Variants in PDPR observed in about 807,000 individuals in gnomAD.
PDPR encodes the protein pyruvate dehydrogenase phosphatase regulatory subunit, mitochondrial.
PDPR carries 50 observed loss-of-function variants against 102.2 expected under a neutral mutation model. The ratio of observed to expected loss-of-function variants is 0.49; its 90% CI spans 0.39 to 0.62. The LOEUF (loss-of-function observed/expected upper bound fraction) is 0.62, where lower values mean the gene tolerates loss of function less well. Ranked by LOEUF, PDPR falls within the 20% of genes least tolerant of loss-of-function variation. The pLI is 0.00. For missense variants in PDPR, 625 were observed against 1,098.2 expected, an observed-to-expected ratio of 0.57 and a Z score of 6.09; for synonymous variants, 259 against 406.0, an observed-to-expected ratio of 0.64 and a Z score of 4.35.
At chr16:70,121,595 G>A (rs1385441842) in intron 3 of PDPR, among the ~76,000 whole-genome samples, 1 of 152,122 alleles carries the variant, frequency 6.6e-6, no homozygotes, top group African/African-American at 2.4e-5. Flanking sequence ...AGCAGGCTGA[G>A]GCAGGAGAAT....
intron 17 of PDPR, among the ~76,000 whole-genome samples, chr16:70,150,376 T>G (rs1228119284): frequency 6.6e-6 from 1 of 151,370 alleles, no homozygotes; most frequent in East Asian, 2.0e-4. Flanking sequence ...AGTGCTGGAA[T>G]TACAGGCGTG....
At chr16:70,148,333 A>T in intron 16 of PDPR, 131 bp from the exon 17 acceptor site, 1 of 774,240 alleles carries the variant, frequency 1.3e-6, no homozygotes, top group Non-Finnish European at 2.2e-6. Context: ...TCGGGATGAA[A>T]TTCTTGCCTT....
chr16:70,157,495 A>C lies in PDPR; in HGVS notation c.*616A>C, dbSNP rs1170378244. The C allele has an allele frequency of 3.5e-6, 1 of 288,260 alleles. No homozygotes were observed. Among genetic ancestry groups the C allele is most frequent in the Non-Finnish European group, 6.7e-6 (1 of 148,156 alleles). 17.9% of individuals were successfully genotyped at this position (288,260 alleles called of 1,614,324 possible). A position where few individuals can be genotyped will look rare whatever the true frequency, so the allele number is the denominator to read the frequency against. ...TGGTCTGTAGTGGAGACAAGCAGTT[A>C]ACCTAGCACCATCCTCATCCTCCCT... On this transcript the variant is annotated 3_prime_UTR_variant, in exon 19 of 19. Coordinates refer to ENST00000288050, the MANE Select transcript of PDPR (RefSeq NM_017990.5).
chr16:70,139,264 T>G (rs1965476886), intron 11 of PDPR, among the ~76,000 whole-genome samples: 1 of 152,252 alleles, frequency 6.6e-6, no homozygotes, highest in African/African-American at 2.4e-5. Context: ...GAATAGGAGT[T>G]ACAGTTGGTA....
chr16:70,156,469 T>C lies in PDPR; in HGVS notation c.2236-6T>C, dbSNP rs115817341. 5.8e-3 allele frequency: 9,293 copies of C among 1,610,946 alleles called. 137 individuals are homozygous for C. In the African/African-American group the frequency reaches 0.11, roughly 19 times the overall value. On this transcript the variant is annotated splice_polypyrimidine_tract_variant and splice_region_variant and intron_variant, in intron 18 of 18. Coordinates refer to ENST00000288050, the MANE Select transcript of PDPR (RefSeq NM_017990.5). ...TGGATGACTCGGCGTTTCCTTTCTT[T>C]CTTAGGGCATGGATTTCATTGGTCG... is the stretch of plus-strand genomic sequence containing the variant.
rs1465369988 is a variant in PDPR, at chr16:70,160,560, C to T, written c.*3681C>T. ...ATTAAACCCCGGTTTCACTCTGGCC[C>T]CAGGAGTGGAGCCTGGCCACTCCTG... On this transcript the variant is annotated 3_prime_UTR_variant, in exon 19 of 19. Coordinates refer to ENST00000288050, the MANE Select transcript of PDPR (RefSeq NM_017990.5). 1 of 152,566 alleles carries T rather than the reference C, an allele frequency of 6.6e-6. No homozygotes were observed. The highest frequency in any genetic ancestry group is 1.9e-4 in the East Asian group (1 of 5,208). 9.5% of individuals were successfully genotyped at this position (152,566 alleles called of 1,614,324 possible).
At chr16:70,129,897 G>T (rs1678926747) in intron 6 of PDPR, among the ~76,000 whole-genome samples, 1 of 152,266 alleles carries the variant, frequency 6.6e-6, no homozygotes, top group African/African-American at 2.4e-5. Flanking sequence ...TAATTATTGT[G>T]TTCCAAAGTC....
At chr16:70,134,081 TAGG>T (rs1245457541) in intron 9 of PDPR, among the ~76,000 whole-genome samples, 2 of 152,276 alleles carry the variant, frequency 1.3e-5, no homozygotes, top group African/African-American at 4.8e-5. Flanking sequence ...TTTTAGGTTT[TAGG>T]AGGAGACTTC....
intron 18 of PDPR, among the ~76,000 whole-genome samples, chr16:70,154,278 A>G (rs1447328050): frequency 6.6e-6 from 1 of 152,280 alleles, no homozygotes; most frequent in Non-Finnish European, 1.5e-5. Context: ...CAGTGAGCCA[A>G]AATCGCACCA....
At chr16:70,153,247 C>T (rs996944292) in intron 17 of PDPR, 144 bp from the exon 18 acceptor site, 26 of 919,154 alleles carry the variant, frequency 2.8e-5, no homozygotes, top group Middle Eastern at 2.3e-4. Flanking sequence ...GTGCCCTGAG[C>T]GTGTCAAGGA....
At chr16:70,142,826 AG>A (rs57320264) in intron 13 of PDPR, 140 bp downstream of exon 13, 9 of 1,356,630 alleles carry the variant, frequency 6.6e-6, no homozygotes, top group Non-Finnish European at 2.0e-6. Flanking sequence ...TGGGAGGCCA[AG>A]GGGGCGTGGA....
In PDPR at chr16:70,156,611, G is replaced by T. The variant is rs117263218; in HGVS notation, c.2372G>T (p.Arg791Leu). The T allele has an allele frequency of 1.9e-6, 3 of 1,613,832 alleles. No homozygotes were observed. The highest frequency in any genetic ancestry group is 1.7e-6 in the Non-Finnish European group (2 of 1,179,700). Residue 791 changes from arginine to leucine, a missense_variant, in exon 19 of 19, where the codon CGG becomes CTG. Coordinates refer to ENST00000288050, the MANE Select transcript of PDPR (RefSeq NM_017990.5). Reference protein sequence around the residue: ...LWPWWGEPIYRNGQYVGKTTS... With the variant: ...LWPWWGEPIYLNGQYVGKTTS... Reference sequence around the variant, plus strand: ...CCTTGGTGGGGAGAGCCCATTTACCGGAATGGGCAGTATGTTGGCAAGACC... The same window carrying T: ...CCTTGGTGGGGAGAGCCCATTTACCTGAATGGGCAGTATGTTGGCAAGACC...
intron 2 of PDPR, chr16:70,120,218 GT>G: frequency 2.7e-6 from 1 of 372,730 alleles, no homozygotes; most frequent in South Asian, 2.3e-5. Flanking sequence ...CCCAGCCTAA[GT>G]TTTTGAATTT....
intron 9 of PDPR, among the ~76,000 whole-genome samples, chr16:70,133,145 C>T (rs1189466443): frequency 5.2e-5 from 6 of 114,686 alleles, no homozygotes; most frequent in Admixed American, 3.7e-4. Flanking sequence ...GATGAAGTCT[C>T]GCTCTGTTGC....
intron 7 of PDPR, among the ~76,000 whole-genome samples, chr16:70,130,914 T>G (rs1193400312): frequency 6.6e-6 from 1 of 152,296 alleles, no homozygotes; most frequent in Non-Finnish European, 1.5e-5. Flanking sequence ...ACTGCTTCTT[T>G]TAAAGCAGAT....
intron 2 of PDPR, chr16:70,120,202 A>G (rs954940156): frequency 2.5e-5 from 9 of 355,098 alleles, no homozygotes; most frequent in Non-Finnish European, 3.8e-5. Context: ...GGTGTGAGCC[A>G]CTGCGCCCAG....
At position 70,153,544 on chromosome 16, in the gene PDPR, G is replaced by A. The variant is rs1966852371; in HGVS notation, c.2206G>A (p.Gly736Arg). The change falls in exon 18 of 19, where the codon GGA becomes AGA. Residue 736 changes from glycine to arginine, a missense_variant. By Grantham distance (125) the Gly-to-Arg change is moderately radical. This residue lies in a region of PDPR where 303 missense variants were observed against 258.9 expected (regional missense o/e 1.17). Transcript: ENST00000288050. ...INNLTTPLECGRESRVKLEKG... is the reference protein window; with the variant it reads ...INNLTTPLECRRESRVKLEKG... ...TAACCTCACCACGCCCCTGGAATGT[G>A]GACGAGAGTCTCGGGTGAAATTAGA... The A allele has an allele frequency of 1.9e-6, 3 of 1,609,822 alleles. No individual in the cohort carries two copies. Among genetic ancestry groups the A allele is most frequent in the Non-Finnish European group, 2.5e-6 (3 of 1,178,462 alleles).
chr16:70,157,105 C>A lies in PDPR; in HGVS notation c.*226C>A. On this transcript the variant is annotated 3_prime_UTR_variant, in exon 19 of 19. Transcript: ENST00000288050. ...AATATTCACTCTGGGCTCTTCTTCC[C>A]TTCCCACCCCTCACTCAGCTTCTCG... 1.4e-6 allele frequency: 1 copy of A among 721,750 alleles called. No individual in the cohort carries two copies. Among genetic ancestry groups the A allele is most frequent in the Non-Finnish European group, 2.4e-6 (1 of 408,978 alleles). 44.7% of individuals were successfully genotyped at this position (721,750 alleles called of 1,614,324 possible). A position where few individuals can be genotyped will look rare whatever the true frequency, so the allele number is the denominator to read the frequency against.
rs951264768 is a variant in PDPR at position 70,156,635 on chromosome 16, C to A, written c.2396C>A (p.Thr799Asn). 5 of 1,613,998 alleles carry A rather than the reference C, an allele frequency of 3.1e-6. No homozygotes were observed. Among genetic ancestry groups the A allele is most frequent in the Admixed American group, 1.7e-5 (1 of 60,010 alleles). ...CGGAATGGGCAGTATGTTGGCAAGA[C>A]CACCAGCAGTGCCTACAGCTACAGC... ...IYRNGQYVGK[T>N]TSSAYSYSLE... The change falls in exon 19 of 19, where the codon ACC becomes AAC. Residue 799 changes from threonine (T) to asparagine (N), a missense_variant. Around this residue, in one of 11 missense-constraint regions of PDPR, gnomAD observed 303 missense variants for 258.9 expected, o/e 1.17. Coordinates refer to ENST00000288050, the MANE Select transcript of PDPR (RefSeq NM_017990.5).
Sources: gnomAD v4.1 joint callset for allele counts (sites outside exome capture counted in the v4.1 genomes callset) on GRCh38, gnomAD v4.1.1 for gene constraint, gnomAD v4.1.1 regional missense constraint, MANE v1.5 for transcripts, NCBI Gene and HGNC (gene_info 2026-07-23, HGNC 2026-07-21) for gene names.